Variants in CIB4 observed in about 807,000 individuals in gnomAD.
CIB4 encodes calcium and integrin binding family member 4.
In CIB4, 25 loss-of-function variants were observed where a neutral mutation model predicts 25.8. That is an observed-to-expected ratio of 0.97 (90% CI 0.71 to 1.35). The LOEUF (loss-of-function observed/expected upper bound fraction) is 1.35. CIB4 is among the 40% of genes most tolerant of loss of function. The pLI, the probability that CIB4 is intolerant of heterozygous loss-of-function variation, is 0.00. For missense variants in CIB4, 235 were observed against 228.2 expected (o/e 1.03, Z -0.19); for synonymous variants, 75 against 81.4 (o/e 0.92, Z 0.42).
intron 3 of CIB4, among the ~76,000 whole-genome samples, chr2:26,618,854 C>T (rs965115614): frequency 3.3e-5 from 5 of 152,162 alleles, no homozygotes; most frequent in East Asian, 1.9e-4. Context: ...GAGATGCTGA[C>T]GGGCATGACC....
At chr2:26,641,081 G>A (rs1243408227) in intron 1 of CIB4, among the ~76,000 whole-genome samples, 180 bp downstream of exon 1, 1 of 152,098 alleles carries the variant, frequency 6.6e-6, no homozygotes, top group Non-Finnish European at 1.5e-5. Context: ...TAGCTCATCA[G>A]CAAGCATTAG....
intron 3 of CIB4, among the ~76,000 whole-genome samples, chr2:26,604,921 C>T (rs898051045): frequency 7.2e-5 from 11 of 152,118 alleles, no homozygotes; most frequent in East Asian, 3.8e-4. Context: ...TACCAATCAA[C>T]GGGACCCAAT....
intron 3 of CIB4, among the ~76,000 whole-genome samples, chr2:26,616,707 G>A (rs980970159): frequency 3.1e-4 from 47 of 152,118 alleles, no homozygotes; most frequent in African/African-American, 8.2e-4. Flanking sequence ...CAACCACCCC[G>A]GCCACCAGCT....
At chr2:26,592,847 AT>A (rs1284925470) in intron 4 of CIB4, among the ~76,000 whole-genome samples, 2 of 151,618 alleles carry the variant, frequency 1.3e-5, no homozygotes, top group Non-Finnish European at 2.9e-5. Context: ...CTATCTTTTC[AT>A]TTGTTATGAG....
chr2:26,630,729 C>T (rs531532748), intron 2 of CIB4, among the ~76,000 whole-genome samples: 4 of 152,130 alleles, frequency 2.6e-5, no homozygotes, highest in African/African-American at 7.2e-5. Flanking sequence ...AATCTCCCCC[C>T]ACACACTCGT....
rs1558554847 is a variant in CIB4, at chr2:26,589,060, CTCTTCCTCTTCCTCTTCT to C, written c.329-5180_329-5163del. Among the ~76,000 whole-genome samples, 162 of 36,432 alleles carry C rather than the reference CTCTTCCTCTTCCTCTTCT, an allele frequency of 4.4e-3. 9 individuals are homozygous for C. Among genetic ancestry groups the C allele is most frequent in the Non-Finnish European group, 6.3e-3 (122 of 19,432 alleles). 23.9% of individuals were successfully genotyped at this position (36,432 alleles called of 152,430 possible). ...CTTCTTCTTCTTCTTCTTCTTCTTC[CTCTTCCTCTTCCTCTTCT>C]TCTTCTTCTTCTTCTTCTTCTTCTT... is the stretch of plus-strand genomic sequence containing the variant. On this transcript the variant is annotated intron_variant, in intron 4 of 6. Coordinates refer to ENST00000288861, the MANE Select transcript of CIB4 (RefSeq NM_001029881.3).
At chr2:26,633,470 C>G (rs1475788534) in intron 2 of CIB4, among the ~76,000 whole-genome samples, 1 of 152,068 alleles carries the variant, frequency 6.6e-6, no homozygotes, top group East Asian at 1.9e-4. Context: ...CCTAAAGGGC[C>G]CACCCTTCTT....
In CIB4 at chr2:26,584,903, T is replaced by C. The variant is rs531774341; in HGVS notation, c.329-1005A>G. Among the ~76,000 whole-genome samples the C allele has an allele frequency of 2.0e-5, 3 of 152,242 alleles. No homozygotes were observed. In the East Asian group the frequency reaches 5.8e-4, roughly 29 times the overall value. On this transcript the variant is annotated intron_variant, in intron 4 of 6. Transcript: ENST00000288861. ...GTGTGCCGGCTGCTAGTTCCTCAACTGCAGCCACAGCCCAGGGCCCCTGCC... is the reference window on the plus strand; with the variant it reads ...GTGTGCCGGCTGCTAGTTCCTCAACCGCAGCCACAGCCCAGGGCCCCTGCC...
chr2:26,583,715 A>G lies in CIB4; in HGVS notation c.438+74T>C, dbSNP rs544696531. On this transcript the variant is annotated intron_variant, in intron 5 of 6. Transcript: ENST00000288861. ...TCTCCTCCCAAGAGGGTGGCCTGAC[A>G]TCCGGGGGCTTTGGGTGACAACCTG... 1.1e-4 allele frequency: 112 copies of G among 976,782 alleles called. 1 individual carries two copies. In the South Asian group the frequency reaches 1.4e-3, roughly 12 times the overall value. The allele number at this position is 976,782 out of a possible 1,614,324, so 60.5% of individuals were successfully genotyped here. A position where few individuals can be genotyped will look rare whatever the true frequency, so the allele number is the denominator to read the frequency against.
intron 4 of CIB4, among the ~76,000 whole-genome samples, chr2:26,584,432 C>T (rs374708464): frequency 6.6e-6 from 1 of 152,170 alleles, no homozygotes; most frequent in African/African-American, 2.4e-5. Flanking sequence ...GCTCCTGTCC[C>T]GATGTGGTAG....
intron 3 of CIB4, among the ~76,000 whole-genome samples, chr2:26,596,712 C>A (rs1668689634): frequency 6.6e-6 from 1 of 150,860 alleles, no homozygotes; most frequent in Non-Finnish European, 1.5e-5. Flanking sequence ...GCGCCATTGC[C>A]CTCCAGCCTG....
chr2:26,629,849 T>G (rs1204969320), intron 2 of CIB4, among the ~76,000 whole-genome samples: 1 of 152,132 alleles, frequency 6.6e-6, no homozygotes, highest in Non-Finnish European at 1.5e-5. Flanking sequence ...CTGAAGGGGC[T>G]TATGTCCAGT....
At chr2:26,629,747 A>G (rs1436869121) in intron 2 of CIB4, among the ~76,000 whole-genome samples, 1 of 152,238 alleles carries the variant, frequency 6.6e-6, no homozygotes, top group Non-Finnish European at 1.5e-5. Context: ...ACCATAGAGG[A>G]TGCAGAGATG....
intron 6 of CIB4, among the ~76,000 whole-genome samples, chr2:26,582,151 C>G (rs1365393451): frequency 6.6e-6 from 1 of 152,178 alleles, no homozygotes; most frequent in Non-Finnish European, 1.5e-5. Flanking sequence ...GTAAAAGCAC[C>G]TTGAGTGGGC....
intron 4 of CIB4, among the ~76,000 whole-genome samples, chr2:26,590,641 G>A (rs186314551): frequency 6.6e-6 from 1 of 152,140 alleles, no homozygotes; most frequent in Admixed American, 6.5e-5. Flanking sequence ...TACTACGCAG[G>A]CTCAGGATCC....
intron 2 of CIB4, among the ~76,000 whole-genome samples, chr2:26,638,234 A>C (rs1480226394): frequency 1.3e-5 from 2 of 152,168 alleles, no homozygotes; most frequent in African/African-American, 4.8e-5. Context: ...CACCTCCCCA[A>C]CACAACGCGG....
At chr2:26,640,442 C>T in intron 2 of CIB4, 91 bp downstream of exon 2, 1 of 1,400,558 alleles carries the variant, frequency 7.1e-7, no homozygotes, top group Non-Finnish European at 1.0e-6. Flanking sequence ...AGGGACCACA[C>T]TCAGGGACCA....
intron 3 of CIB4, chr2:26,605,514 G>A (rs1212152632): frequency 8.5e-6 from 4 of 471,044 alleles, no homozygotes; most frequent in African/African-American, 6.0e-5. Flanking sequence ...GCGAACAGGG[G>A]AGTGGACGCC....
intron 2 of CIB4, among the ~76,000 whole-genome samples, chr2:26,637,992 TCCCCAA>T (rs1669565141): frequency 6.6e-6 from 1 of 152,120 alleles, no homozygotes; most frequent in African/African-American, 2.4e-5. Context: ...TGCAGTGGCG[TCCCCAA>T]CCCCACCACC....
Sources: gnomAD v4.1 joint callset for allele counts (sites outside exome capture counted in the v4.1 genomes callset) on GRCh38, gnomAD v4.1.1 for gene constraint, MANE v1.5 for transcripts, NCBI Gene and HGNC (gene_info 2026-07-23, HGNC 2026-07-21) for gene names.